The following PCED1B variants were observed in gnomAD, a reference collection of about 807,000 sequenced individuals.
PCED1B encodes the protein PC-esterase domain-containing protein 1B.
For missense variants in PCED1B, 573 were observed against 573.9 expected, an observed-to-expected ratio of 1.00 and a Z score of 0.02; for synonymous variants, 251 against 246.1, an observed-to-expected ratio of 1.02 and a Z score of -0.19.
intron 2 of PCED1B, among the ~76,000 whole-genome samples, chr12:47,126,576 T>C (rs1466804852): frequency 3.9e-5 from 6 of 152,178 alleles, no homozygotes; most frequent in African/African-American, 1.4e-4. Context: ...AAAATTAGTA[T>C]TATTTCTTCC....
At chr12:47,178,832 A>T (rs1942006745) in intron 2 of PCED1B, among the ~76,000 whole-genome samples, 1 of 143,620 alleles carries the variant, frequency 7.0e-6, no homozygotes, top group Non-Finnish European at 1.5e-5. Flanking sequence ...ACGCCACTGC[A>T]CTCCAGCCTG....
chr12:47,224,360 C>T (rs1943572405), intron 3 of PCED1B, among the ~76,000 whole-genome samples: 1 of 152,206 alleles, frequency 6.6e-6, no homozygotes, highest in Non-Finnish European at 1.5e-5. Flanking sequence ...TTCTGTAATT[C>T]ATAGGCGTTG....
chr12:47,190,546 T>C (rs1013851918), intron 2 of PCED1B, among the ~76,000 whole-genome samples: 1 of 152,240 alleles, frequency 6.6e-6, no homozygotes, highest in African/African-American at 2.4e-5. Flanking sequence ...AAACCCTCTT[T>C]ATAGCAGCTA....
At chr12:47,180,514 A>G (rs900888179) in intron 2 of PCED1B, among the ~76,000 whole-genome samples, 2 of 152,248 alleles carry the variant, frequency 1.3e-5, no homozygotes, top group Non-Finnish European at 1.5e-5. Flanking sequence ...AAAACTATAA[A>G]AACCATTTGG....
chr12:47,170,630 C>T (rs571742184), intron 2 of PCED1B, among the ~76,000 whole-genome samples: 12 of 152,286 alleles, frequency 7.9e-5, no homozygotes, highest in Non-Finnish European at 1.8e-4. Flanking sequence ...TTTGTGATAT[C>T]TCTTTGTCCA....
At chr12:47,194,367 C>T (rs1440623962) in intron 2 of PCED1B, among the ~76,000 whole-genome samples, 1 of 151,992 alleles carries the variant, frequency 6.6e-6, no homozygotes, top group Non-Finnish European at 1.5e-5. Context: ...TAGAGATGGG[C>T]TTTCACCATG....
chr12:47,132,169 C>T (rs1212666275), intron 2 of PCED1B, among the ~76,000 whole-genome samples: 1 of 152,094 alleles, frequency 6.6e-6, no homozygotes, highest in Admixed American at 6.6e-5. Flanking sequence ...AGTAAATTAC[C>T]TGTCCCTTTT....
chr12:47,101,997 G>A (rs1565747338), intron 1 of PCED1B, among the ~76,000 whole-genome samples: 2 of 151,762 alleles, frequency 1.3e-5, no homozygotes, highest in South Asian at 4.2e-4. Flanking sequence ...TTATTTCTAA[G>A]AGAGAACTCA....
intron 2 of PCED1B, among the ~76,000 whole-genome samples, chr12:47,125,473 C>G (rs1939848658): frequency 6.6e-6 from 1 of 151,882 alleles, no homozygotes; most frequent in South Asian, 2.1e-4. Flanking sequence ...TGTTCTTTTG[C>G]ATTTCTTGAC....
At chr12:47,087,083 A>G (rs1332729259) in intron 1 of PCED1B, among the ~76,000 whole-genome samples, 1 of 152,216 alleles carries the variant, frequency 6.6e-6, no homozygotes, top group Non-Finnish European at 1.5e-5. Flanking sequence ...AGCAAACACA[A>G]GGCCCTCTGT....
At chr12:47,216,712 A>G (rs1943269419) in intron 3 of PCED1B, 23 bp downstream of exon 3, 2 of 152,218 alleles carry the variant, frequency 1.3e-5, no homozygotes, top group South Asian at 4.1e-4. Context: ...CAGTTTTTCC[A>G]TTTTATCTGA....
intron 2 of PCED1B, chr12:47,135,475 T>TGTCTCCTGTTCTATC: frequency 2.5e-6 from 1 of 406,916 alleles, no homozygotes; most frequent in South Asian, 2.1e-5. Context: ...GCCCGGATGC[T>TGTCTCCTGTTCTATC]GTCTCCTGTT....
chr12:47,124,293 T>C (rs762402233), intron 2 of PCED1B, among the ~76,000 whole-genome samples: 1 of 152,048 alleles, frequency 6.6e-6, no homozygotes, highest in Non-Finnish European at 1.5e-5. Context: ...TTTTGTCTAG[T>C]TTTTTCACTC....
chr12:47,198,528 A>G (rs1000112569), intron 2 of PCED1B, among the ~76,000 whole-genome samples: 2 of 152,154 alleles, frequency 1.3e-5, no homozygotes, highest in East Asian at 3.8e-4. Flanking sequence ...CACTACTCCT[A>G]TTCAGCATTG....
At chr12:47,159,756 C>T (rs1388664623) in intron 2 of PCED1B, among the ~76,000 whole-genome samples, 3 of 151,818 alleles carry the variant, frequency 2.0e-5, no homozygotes, top group Non-Finnish European at 2.9e-5. Context: ...TCACATTTGT[C>T]TATTTTTGGT....
In PCED1B at chr12:47,137,176, C is replaced by G. The variant is rs147604005; in HGVS notation, c.-526+32981C>G. Among the ~76,000 whole-genome samples the G allele has an allele frequency of 8.7e-3, 1,318 of 152,286 alleles. 22 individuals carry two copies. Among genetic ancestry groups the G allele is most frequent in the African/African-American group, 0.03 (1,233 of 41,548 alleles). ...AAGGTTCTGGTACTGATTACAAAAT[C>G]TATTTTGAAAATTTCCCATGATATG... On this transcript the variant is annotated intron_variant, in intron 2 of 3. Transcript: ENST00000546455.
chr12:47,171,452 T>G (rs909535158), intron 2 of PCED1B, among the ~76,000 whole-genome samples: 1 of 152,194 alleles, frequency 6.6e-6, no homozygotes, highest in African/African-American at 2.4e-5. Flanking sequence ...TGCAGTAAAT[T>G]CTTCTTTTTA....
chr12:47,217,221 T>G (rs916070275), intron 3 of PCED1B, among the ~76,000 whole-genome samples: 2 of 151,962 alleles, frequency 1.3e-5, no homozygotes, highest in East Asian at 3.9e-4. Flanking sequence ...GACAACATGA[T>G]GAAACCCTGT....
At chr12:47,087,763 T>C (rs1938058095) in intron 1 of PCED1B, among the ~76,000 whole-genome samples, 3 of 152,176 alleles carry the variant, frequency 2.0e-5, no homozygotes, top group Admixed American at 2.0e-4. Context: ...AATAAAAATA[T>C]AATCTGGGGA....
Sources: gnomAD v4.1 joint callset for allele counts (sites outside exome capture counted in the v4.1 genomes callset) on GRCh38, gnomAD v4.1.1 for gene constraint, MANE v1.5 for transcripts, NCBI Gene and HGNC (gene_info 2026-07-23, HGNC 2026-07-21) for gene names.